Variants in ACBD6 observed in about 807,000 individuals in gnomAD.
The protein encoded by ACBD6 is acyl-CoA binding domain containing 6, also known as acyl-CoA-binding domain-containing protein 6.
In ACBD6, 28 loss-of-function variants were observed where a neutral mutation model predicts 37.2. The ratio of observed to expected loss-of-function variants is 0.75; its 90% CI spans 0.56 to 1.03. ACBD6 has a LOEUF of 1.03. Ranked by LOEUF, ACBD6 falls within the 50% of genes least tolerant of loss-of-function variation. The pLI is 0.00. For synonymous variants in ACBD6, 113 were observed against 126.8 expected, an observed-to-expected ratio of 0.89 and a Z score of 0.73; for missense variants, 340 against 337.4, an observed-to-expected ratio of 1.01 and a Z score of -0.06.
chr1:180,376,974 G>A (rs1350937832), intron 6 of ACBD6, among the ~76,000 whole-genome samples: 3 of 152,112 alleles, frequency 2.0e-5, no homozygotes, highest in Non-Finnish European at 4.4e-5. Flanking sequence ...AAGTAACTTT[G>A]GAAAACAGTA....
intron 6 of ACBD6, among the ~76,000 whole-genome samples, chr1:180,347,401 G>A (rs1571390821): frequency 1.0e-5 from 1 of 99,760 alleles, no homozygotes; most frequent in African/African-American, 3.9e-5. Context: ...GTCATGCTTT[G>A]TCGGCTAGGC....
intron 3 of ACBD6, among the ~76,000 whole-genome samples, chr1:180,486,739 C>T (rs138707518): frequency 1.5e-3 from 234 of 152,276 alleles, no homozygotes; most frequent in African/African-American, 5.3e-3. Flanking sequence ...AAGGAATTAA[C>T]TTCCCATTAA....
Position 180,397,598 on chromosome 1 carries a change from G to A in ACBD6, c.581C>T (p.Ala194Val), listed in dbSNP as rs1473181286. ...TCGATCACAGGCCCAGTGAAGTAGA[G>A]CCCTACCCTAAAAACACAGAAGATA... ...DVNVKDEEGR[A>V]LLHWACDRGH... Residue 194 changes from alanine (A) to valine (V), a missense_variant, in exon 6 of 8, where the codon GCT (alanine) becomes GTT (valine). Ala to Val is a moderately conservative substitution (Grantham distance 64). Transcript: ENST00000367595. 8.1e-6 allele frequency: 13 copies of A among 1,613,196 alleles called. No individual in the cohort carries two copies. Among genetic ancestry groups the A allele is most frequent in the Non-Finnish European group, 1.1e-5 (13 of 1,179,348 alleles).
chr1:180,297,296 A>G lies in ACBD6; in HGVS notation c.695-8779T>C, dbSNP rs558253879. Among the ~76,000 whole-genome samples, 131 of 152,278 alleles carry G rather than the reference A, an allele frequency of 8.6e-4. 1 individual carries two copies. The highest frequency in any genetic ancestry group is 3.5e-3 in the Admixed American group (53 of 15,292). ...TGGGATATATTTTGTGATCCTTTAC[A>G]TTACTTATCCTGACAAGCTTAGGCA... On this transcript the variant is annotated intron_variant, in intron 7 of 7. Transcript: ENST00000367595.
intron 7 of ACBD6, among the ~76,000 whole-genome samples, chr1:180,289,797 GA>G (rs1232043214): frequency 6.6e-6 from 1 of 151,828 alleles, no homozygotes; most frequent in African/African-American, 2.4e-5. Flanking sequence ...ATGTTGAAGG[GA>G]AAAAAACAAG....
chr1:180,326,590 C>A (rs942208136), intron 6 of ACBD6: 1 of 152,256 alleles, frequency 6.6e-6, no homozygotes, highest in Admixed American at 6.5e-5. Context: ...GTCCCCTTTA[C>A]TTTTCCCTCT....
chr1:180,385,096 C>T (rs1653801953), intron 6 of ACBD6, among the ~76,000 whole-genome samples: 1 of 151,876 alleles, frequency 6.6e-6, no homozygotes, highest in African/African-American at 2.4e-5. Flanking sequence ...CAGAGTAGGG[C>T]TTTTACTACA....
Position 180,413,382 on chromosome 1 carries a change from T to TA in ACBD6, c.556_557insT (p.Asn186IlefsTer5). The TA allele has an allele frequency of 6.2e-7, 1 of 1,612,974 alleles. No homozygotes were observed. Among genetic ancestry groups the TA allele is most frequent in the Non-Finnish European group, 8.5e-7 (1 of 1,179,210 alleles). On this transcript the variant is annotated frameshift_variant, in exon 5 of 8. Transcript: ENST00000367595. LOFTEE classifies it high-confidence loss of function. ...TTTTCATACCTCTTCATCTTTCACATTCACATCCACATTTTTCGATTTGAT... is the reference window on the plus strand; with the variant it reads ...TTTTCATACCTCTTCATCTTTCACATATCACATCCACATTTTTCGATTTGAT...
At chr1:180,355,345 G>T (rs1302209606) in intron 6 of ACBD6, among the ~76,000 whole-genome samples, 2 of 152,256 alleles carry the variant, frequency 1.3e-5, no homozygotes, top group South Asian at 4.1e-4. Context: ...TACGTATATG[G>T]AGGTTTTACA....
At chr1:180,459,323 A>G (rs1650041105) in intron 3 of ACBD6, among the ~76,000 whole-genome samples, 1 of 152,156 alleles carries the variant, frequency 6.6e-6, no homozygotes, top group Admixed American at 6.5e-5. Flanking sequence ...ATTCCCCCCT[A>G]AGTATATCTG....
intron 3 of ACBD6, among the ~76,000 whole-genome samples, chr1:180,457,891 C>G (rs1398888813): frequency 1.3e-5 from 2 of 151,014 alleles, no homozygotes. Flanking sequence ...CTCCCAGGTT[C>G]AAGTGATTCT....
intron 3 of ACBD6, among the ~76,000 whole-genome samples, chr1:180,441,926 G>C (rs370949468): frequency 6.6e-6 from 1 of 152,140 alleles, no homozygotes; most frequent in African/African-American, 2.4e-5. Flanking sequence ...TGTTGAACAG[G>C]AGTGGTGAAA....
chr1:180,320,493 G>A (rs1651028040), intron 6 of ACBD6, among the ~76,000 whole-genome samples: 1 of 151,952 alleles, frequency 6.6e-6, no homozygotes, highest in Admixed American at 6.6e-5. Flanking sequence ...AAAAAAATTA[G>A]CCACGCACAG....
chr1:180,451,389 G>A (rs1176953306), intron 3 of ACBD6, among the ~76,000 whole-genome samples: 1 of 152,058 alleles, frequency 6.6e-6, no homozygotes, highest in Non-Finnish European at 1.5e-5. Flanking sequence ...ATATCCATTA[G>A]AAATAAAGAT....
intron 5 of ACBD6, among the ~76,000 whole-genome samples, chr1:180,404,812 A>G (rs1647543621): frequency 6.6e-6 from 1 of 152,200 alleles, no homozygotes; most frequent in Non-Finnish European, 1.5e-5. Context: ...GATTAAAATG[A>G]TACATTTTAT....
At chr1:180,353,944 T>C (rs1558263181) in intron 6 of ACBD6, among the ~76,000 whole-genome samples, 1 of 152,236 alleles carries the variant, frequency 6.6e-6, no homozygotes, top group South Asian at 2.1e-4. Context: ...CTAAAGTTAA[T>C]GGATTTCTAT....
At chr1:180,424,662 TCATAGGTACCA>T (rs1648511654) in intron 4 of ACBD6, among the ~76,000 whole-genome samples, 1 of 151,902 alleles carries the variant, frequency 6.6e-6, no homozygotes, top group Non-Finnish European at 1.5e-5. Flanking sequence ...AACAAGCATT[TCATAGGTACCA>T]CATACAGATA....
chr1:180,357,940 C>G (rs1018993231), intron 6 of ACBD6, among the ~76,000 whole-genome samples: 5 of 152,090 alleles, frequency 3.3e-5, no homozygotes, highest in African/African-American at 1.2e-4. Context: ...AATTTTATAG[C>G]CCTCAATAAC....
chr1:180,271,597 T>TA, exon 14 of ACBD6: 3 of 1,592,286 alleles, frequency 1.9e-6, no homozygotes, highest in Non-Finnish European at 1.7e-6. Context: ...GTGGAAGGTA[T>TA]CCTGAGTGAC....
Sources: allele counts gnomAD v4.1 joint callset (sites outside exome capture counted in the v4.1 genomes callset), GRCh38; gene constraint gnomAD v4.1.1; transcripts MANE v1.5; gene names NCBI Gene and HGNC (gene_info 2026-07-23, HGNC 2026-07-21).